WDR75: variants seen among roughly 807,000 people sequenced by gnomAD.
WDR75 encodes the protein WD repeat-containing protein 75.
WDR75 carries 52 observed loss-of-function variants against 106.1 expected under a neutral mutation model. The observed-to-expected ratio is 0.49, with a 90% CI of 0.39 to 0.62. The LOEUF is 0.62. Ranked by LOEUF, WDR75 falls within the 20% of genes least tolerant of loss-of-function variation. The pLI is 0.00. For missense variants in WDR75, 905 were observed against 970.3 expected, an observed-to-expected ratio of 0.93 and a Z score of 0.89; for synonymous variants, 333 against 335.5, an observed-to-expected ratio of 0.99 and a Z score of 0.08.
intron 1 of WDR75, among the ~76,000 whole-genome samples, chr2:189,443,060 A>G (rs1221812642): frequency 6.6e-6 from 1 of 152,236 alleles, no homozygotes; most frequent in African/African-American, 2.4e-5. Flanking sequence ...TATATTATGT[A>G]TAACATGCTG....
chr2:189,455,361 A>T lies in WDR75; in HGVS notation c.415A>T (p.Ser139Cys). The part of the protein sequence containing the change: ...LVSVKLPKSS[S>C]QEVEAKELSF... ...TTCAGTGAAACTGCCAAAATCCTCA[A>T]GCCAGGAAGTAGAAGCCAAGGAGCT... is the stretch of plus-strand genomic sequence containing the variant. The change falls in exon 5 of 21, where the codon AGC (serine) becomes TGC (cysteine). Residue 139 changes from serine (S) to cysteine (C), a missense_variant. By Grantham distance (112) the Ser-to-Cys change is moderately radical. Coordinates refer to ENST00000314761, the MANE Select transcript of WDR75 (RefSeq NM_032168.3). 3 of 1,614,214 alleles carry T rather than the reference A, an allele frequency of 1.9e-6. No individual in the cohort carries two copies. Among genetic ancestry groups the T allele is most frequent in the Non-Finnish European group, 2.5e-6 (3 of 1,180,014 alleles).
At chr2:189,442,794 A>T (rs1465277028) in intron 1 of WDR75, among the ~76,000 whole-genome samples, 2 of 152,108 alleles carry the variant, frequency 1.3e-5, no homozygotes, top group East Asian at 3.9e-4. Flanking sequence ...TAGTTGTTGA[A>T]GGTAATGCAA....
chr2:189,451,350 A>G (rs987021330), intron 3 of WDR75, among the ~76,000 whole-genome samples: 1 of 152,248 alleles, frequency 6.6e-6, no homozygotes, highest in Non-Finnish European at 1.5e-5. Flanking sequence ...AATTAAAACA[A>G]ATGACACAAT....
At chr2:189,452,150 G>A (rs575733505) in intron 4 of WDR75, 2 of 351,396 alleles carry the variant, frequency 5.7e-6, no homozygotes, top group Non-Finnish European at 1.0e-5. Context: ...CTTTACAAAG[G>A]TGGATAGAAT....
chr2:189,465,303 C>T, intron 12 of WDR75, 49 bp downstream of exon 12: 2 of 1,510,160 alleles, frequency 1.3e-6, no homozygotes, highest in East Asian at 2.3e-5. Flanking sequence ...AAATATTTCA[C>T]TTCCCATTTT....
chr2:189,475,363 A>G lies in WDR75; in HGVS notation c.2439A>G (p.Glu813=). The G allele has an allele frequency of 6.2e-7, 1 of 1,612,726 alleles. No individual in the cohort carries two copies. ...DIIHQLSKSE[E]KELRKFRKID... ...TACATCAGTTGTCAAAATCTGAAGA[A>G]AAAGAACTGAGAAAATTTAGGAAAA... Residue 813 remains glutamate, a synonymous_variant, in exon 21 of 21, where the codon GAA becomes GAG. Coordinates refer to ENST00000314761, the MANE Select transcript of WDR75 (RefSeq NM_032168.3).
chr2:189,450,495 T>G, intron 2 of WDR75: 2 of 884,276 alleles, frequency 2.3e-6, no homozygotes, highest in Non-Finnish European at 2.7e-6. Flanking sequence ...CACGCCTGGC[T>G]AATTTTTGTA....
chr2:189,470,799 CATTA>C lies in WDR75; in HGVS notation c.1990-16_1990-13del, dbSNP rs1558989903. ...GCACTCTACAGTTTGTCTTTTGCAT[CATTA>C]ATTCTCTCTTTTCAGAGTTTATTGA... On this transcript the variant is annotated splice_polypyrimidine_tract_variant and intron_variant, in intron 17 of 20. Transcript: ENST00000314761. 5.1e-6 allele frequency: 8 copies of C among 1,570,744 alleles called. No homozygotes were observed. The highest frequency in any genetic ancestry group is 3.6e-5 in the South Asian group (3 of 84,082).
At chr2:189,459,724 A>G (rs571642140) in intron 8 of WDR75, among the ~76,000 whole-genome samples, 2 of 152,360 alleles carry the variant, frequency 1.3e-5, no homozygotes, top group South Asian at 2.1e-4. Context: ...TGTGTGGTCC[A>G]TAACTGTAGC....
At chr2:189,472,120 A>T (rs1358320267) in intron 18 of WDR75, among the ~76,000 whole-genome samples, 2 of 152,208 alleles carry the variant, frequency 1.3e-5, no homozygotes, top group East Asian at 3.8e-4. Flanking sequence ...GGGATACAGT[A>T]GTGAGAAAAG....
At chr2:189,474,095 A>G (rs928674944) in intron 18 of WDR75, 91 bp from the exon 19 acceptor site, 3 of 1,354,284 alleles carry the variant, frequency 2.2e-6, no homozygotes, top group South Asian at 1.5e-5. Context: ...TTCATCCCAG[A>G]CTTTTTATGA....
rs78502832 is a variant in WDR75 at position 189,469,009 on chromosome 2, G to A, written c.1724-335G>A. 8.7e-3 allele frequency among the ~76,000 whole-genome samples: 1,317 copies of A among 152,242 alleles called. 25 individuals are homozygous for A. Among genetic ancestry groups the A allele is most frequent in the African/African-American group, 0.03 (1,248 of 41,550 alleles). The stretch of plus-strand genomic sequence containing the variant: ...TGTATGTTTGGAAGGCATAGTAGCT[G>A]CTTATAAATGAATGTGTATGGTAAC... On this transcript the variant is annotated intron_variant, in intron 15 of 20. Transcript: ENST00000314761.
In WDR75 at chr2:189,466,524, A is replaced by G. The variant is rs1687003041; in HGVS notation, c.1389A>G (p.Thr463=). The part of the protein sequence containing the change: ...AEKSEQPTLV[T]ASKDGYFKVW... ...AATCTGAACAGCCCACCTTGGTTAC[A>G]GCTAGCAAAGATGGTTACTTCAAAG... Residue 463 remains threonine, a synonymous_variant, in exon 13 of 21, where the codon ACA becomes ACG. Coordinates refer to ENST00000314761, the MANE Select transcript of WDR75 (RefSeq NM_032168.3). 2 of 1,613,294 alleles carry G rather than the reference A, an allele frequency of 1.2e-6. No individual in the cohort carries two copies. Among genetic ancestry groups the G allele is most frequent in the Non-Finnish European group, 1.7e-6 (2 of 1,179,408 alleles).
chr2:189,466,393 C>A, intron 12 of WDR75, 32 bp from the exon 13 acceptor site: 2 of 1,608,212 alleles, frequency 1.2e-6, no homozygotes, highest in African/African-American at 1.3e-5. Context: ...TGTCCTCATG[C>A]AAGAATAAAT....
intron 14 of WDR75, 36 bp from the exon 15 acceptor site, chr2:189,468,439 C>G: frequency 6.2e-7 from 1 of 1,601,552 alleles, no homozygotes; most frequent in Non-Finnish European, 8.6e-7. Context: ...TTTGCTAGAA[C>G]TGACTGTTGC....
intron 18 of WDR75, among the ~76,000 whole-genome samples, chr2:189,472,180 A>G (rs1209580046): frequency 6.6e-6 from 1 of 152,214 alleles, no homozygotes; most frequent in African/African-American, 2.4e-5. Flanking sequence ...GAAGATAGAG[A>G]CAGTAAACAA....
chr2:189,464,944 C>A, intron 11 of WDR75, 135 bp from the exon 12 acceptor site: 1 of 595,372 alleles, frequency 1.7e-6, no homozygotes, highest in Non-Finnish European at 2.6e-6. Context: ...TCATTTTTGC[C>A]TTTATTTAAA....
At position 189,448,416 on chromosome 2, in the gene WDR75, T is replaced by A. The variant is rs753041159; in HGVS notation, c.124T>A (p.Tyr42Asn). The A allele has an allele frequency of 6.2e-7, 1 of 1,613,918 alleles. No homozygotes were observed. Among genetic ancestry groups the A allele is most frequent in the East Asian group, 2.2e-5 (1 of 44,872 alleles). Reference sequence around the variant, plus strand: ...TGTCTCTGGAGACTTTGTTAAAGTTTACAGCACAGTTACAGAAGAGTGTGT... The same window carrying A: ...TGTCTCTGGAGACTTTGTTAAAGTTAACAGCACAGTTACAGAAGAGTGTGT... ...FCVSGDFVKV[Y>N]STVTEECVHI... Residue 42 changes from tyrosine (Y) to asparagine (N), a missense_variant, in exon 2 of 21, where the codon TAC becomes AAC. Tyr to Asn is a moderately radical substitution (Grantham distance 143). Transcript: ENST00000314761.
intron 18 of WDR75, among the ~76,000 whole-genome samples, chr2:189,473,594 G>A (rs1413037717): frequency 6.6e-6 from 1 of 152,130 alleles, no homozygotes; most frequent in African/African-American, 2.4e-5. Context: ...GCCTAAAGAT[G>A]TAGAGCCCTC....
Sources: gnomAD v4.1 joint callset for allele counts (sites outside exome capture counted in the v4.1 genomes callset) on GRCh38, gnomAD v4.1.1 for gene constraint, MANE v1.5 for transcripts, NCBI Gene and HGNC (gene_info 2026-07-23, HGNC 2026-07-21) for gene names.